CHRM3: variants seen among roughly 807,000 people sequenced by gnomAD.
The protein encoded by CHRM3 is muscarinic acetylcholine receptor M3.
CHRM3 carries 11 observed loss-of-function variants against 41.8 expected under a neutral mutation model. The observed-to-expected ratio is 0.26, with a 90% CI of 0.17 to 0.44. The LOEUF (loss-of-function observed/expected upper bound fraction) is 0.44, where lower values mean the gene tolerates loss of function less well. CHRM3 is among the 20% of genes least tolerant of loss of function. CHRM3 has a pLI of 1.00. For synonymous variants in CHRM3, 297 were observed against 301.4 expected (o/e 0.99, Z 0.15); for missense variants, 571 against 745.4 (o/e 0.77, Z 2.72).
intron 2 of CHRM3, among the ~76,000 whole-genome samples, chr1:239,527,157 A>T (rs1038706781): frequency 2.6e-5 from 4 of 152,138 alleles, no homozygotes; most frequent in Non-Finnish European, 5.9e-5. Context: ...GAAAGCCATA[A>T]GTCTTTTACA....
chr1:239,388,088 T>C (rs1291732403), intron 1 of CHRM3, among the ~76,000 whole-genome samples: 4 of 152,162 alleles, frequency 2.6e-5, no homozygotes, highest in African/African-American at 4.8e-5. Context: ...TGTCCGACTC[T>C]CCTTGCACGC....
At chr1:239,579,279 C>G (rs1662653283) in intron 3 of CHRM3, among the ~76,000 whole-genome samples, 1 of 152,174 alleles carries the variant, frequency 6.6e-6, no homozygotes, top group Admixed American at 6.6e-5. Flanking sequence ...ATTAAACACA[C>G]ACTGGTTCTT....
At chr1:239,836,543 G>A (rs578022408) in intron 6 of CHRM3, among the ~76,000 whole-genome samples, 28 of 152,230 alleles carry the variant, frequency 1.8e-4, no homozygotes, top group African/African-American at 5.8e-4. Context: ...CTAGAAATGC[G>A]GAAGCCAAGT....
intron 5 of CHRM3, among the ~76,000 whole-genome samples, chr1:239,678,671 C>T (rs2149088889): frequency 6.6e-6 from 1 of 152,208 alleles, no homozygotes; most frequent in East Asian, 1.9e-4. Flanking sequence ...TACAGAAAAA[C>T]ATCGACTTCT....
chr1:239,854,725 C>T (rs758272821), intron 6 of CHRM3, among the ~76,000 whole-genome samples: 1 of 152,074 alleles, frequency 6.6e-6, no homozygotes, highest in Non-Finnish European at 1.5e-5. Context: ...CCAATCTGTT[C>T]ATTCTAAATT....
chr1:239,607,237 C>T (rs534881892), intron 3 of CHRM3, among the ~76,000 whole-genome samples: 2 of 152,194 alleles, frequency 1.3e-5, no homozygotes, highest in East Asian at 3.9e-4. Context: ...ATCTCATCTA[C>T]AGAAGGAGAA....
intron 5 of CHRM3, among the ~76,000 whole-genome samples, chr1:239,800,939 G>T (rs1670165697): frequency 6.6e-6 from 1 of 151,862 alleles, no homozygotes; most frequent in Non-Finnish European, 1.5e-5. Flanking sequence ...CCCCTTTCAA[G>T]TTACACTTCC....
chr1:239,605,801 G>C (rs1666172095), intron 3 of CHRM3, among the ~76,000 whole-genome samples: 1 of 152,148 alleles, frequency 6.6e-6, no homozygotes, highest in Non-Finnish European at 1.5e-5. Flanking sequence ...AGAACTACTT[G>C]AGTGGTAATG....
intron 3 of CHRM3, among the ~76,000 whole-genome samples, chr1:239,611,853 A>G (rs1667115349): frequency 6.6e-6 from 1 of 152,232 alleles, no homozygotes; most frequent in African/African-American, 2.4e-5. Context: ...CATATTACCA[A>G]TGTTATAATT....
intron 4 of CHRM3, among the ~76,000 whole-genome samples, chr1:239,651,470 C>T (rs189189128): frequency 1.3e-5 from 2 of 152,276 alleles, no homozygotes; most frequent in East Asian, 1.9e-4. Flanking sequence ...AATAAAGCCT[C>T]GCACAGAGAA....
chr1:239,808,352 G>C (rs1395925469), intron 5 of CHRM3, among the ~76,000 whole-genome samples: 2 of 152,086 alleles, frequency 1.3e-5, no homozygotes, highest in Admixed American at 1.3e-4. Flanking sequence ...TTATGGACAG[G>C]ATTAATCTGC....
At chr1:239,859,720 T>C (rs1165190421) in intron 6 of CHRM3, among the ~76,000 whole-genome samples, 1 of 151,126 alleles carries the variant, frequency 6.6e-6, no homozygotes, top group Non-Finnish European at 1.5e-5. Flanking sequence ...CCAGCCATAC[T>C]GTTTTTTAAA....
chr1:239,640,593 T>C (rs368557785), intron 4 of CHRM3, among the ~76,000 whole-genome samples: 6,799 of 151,934 alleles, frequency 0.045, 214 homozygotes, highest in South Asian at 0.12. Context: ...TTTGTATTTC[T>C]GTGGGATCAG....
chr1:239,745,150 A>T (rs1558506102), intron 5 of CHRM3, among the ~76,000 whole-genome samples: 1 of 152,186 alleles, frequency 6.6e-6, no homozygotes, highest in Non-Finnish European at 1.5e-5. Context: ...TAAGGAATTT[A>T]ATATTTGTTC....
intron 4 of CHRM3, among the ~76,000 whole-genome samples, chr1:239,675,950 C>G (rs181323327): frequency 1.4e-3 from 212 of 152,292 alleles, no homozygotes; most frequent in South Asian, 4.1e-3. Flanking sequence ...ATCCCAGAGG[C>G]TCCTTTAGAT....
chr1:239,647,981 G>A (rs970024104), intron 4 of CHRM3, among the ~76,000 whole-genome samples: 1 of 152,134 alleles, frequency 6.6e-6, no homozygotes, highest in African/African-American at 2.4e-5. Flanking sequence ...TAAGCCCTAA[G>A]TAAATATTAT....
In CHRM3 at chr1:239,907,622, T is replaced by C. The variant is rs201554826; in HGVS notation, c.171T>C (p.Asp57=). ...GNFSSPDGTT[D]DPLGGHTVWQ... ...TCTCCTCTCCAGACGGTACCACCGA[T>C]GACCCTCTGGGAGGTCATACCGTCT... The change falls in exon 7 of 7, where the codon GAT becomes GAC. Residue 57 remains aspartate (D), a synonymous_variant. Transcript: ENST00000676153. The surrounding 1 kb of genome is among the most constrained non-coding windows in gnomAD (Gnocchi z 5.4). The C allele has an allele frequency of 8.7e-6, 14 of 1,614,228 alleles. No individual in the cohort carries two copies. In the African/African-American group the frequency reaches 1.9e-4, roughly 22 times the overall value.
At position 239,389,931 on chromosome 1, in the gene CHRM3, T is replaced by C. The variant is rs920664522; in HGVS notation, c.-521+2704T>C. ...GTGTAGTGGCACTTTAGATAGGAGA[T>C]GAATGAACCGTGAATCATATGAAGA... On this transcript the variant is annotated intron_variant, in intron 1 of 6. Coordinates refer to ENST00000676153, the MANE Select transcript of CHRM3 (RefSeq NM_001375978.1). Among the ~76,000 whole-genome samples the C allele has an allele frequency of 2.6e-5, 4 of 152,150 alleles. No homozygotes were observed. In the East Asian group the frequency reaches 7.7e-4, roughly 29 times the overall value.
chr1:239,613,893 A>G (rs1195957881), intron 3 of CHRM3, among the ~76,000 whole-genome samples: 1 of 152,156 alleles, frequency 6.6e-6, no homozygotes, highest in African/African-American at 2.4e-5. Context: ...AGTGGCTTAC[A>G]CTTGTAATCC....
Sources: allele counts gnomAD v4.1 joint callset (sites outside exome capture counted in the v4.1 genomes callset), GRCh38; gene constraint gnomAD v4.1.1; non-coding constraint Gnocchi (gnomAD v3.1); transcripts MANE v1.5; gene names NCBI Gene and HGNC (gene_info 2026-07-23, HGNC 2026-07-21).